Variants in SMOX observed in about 807,000 individuals in gnomAD.
SMOX encodes spermine oxidase.
A neutral mutation model predicts 51.0 loss-of-function variants in SMOX; 22 were observed. That is an observed-to-expected ratio of 0.43 (90% CI 0.31 to 0.62). The LOEUF (loss-of-function observed/expected upper bound fraction) is 0.62, where lower values mean the gene tolerates loss of function less well. Among genes scored for constraint, SMOX ranks in the 20% least tolerant of loss-of-function variants. SMOX has a pLI of 0.10. For synonymous variants in SMOX, 282 were observed against 307.8 expected (o/e 0.92, Z 0.88); for missense variants, 566 against 777.7 (o/e 0.73, Z 3.24).
chr20:4,185,899 A>C (rs1378309658), intron 6 of SMOX, among the ~76,000 whole-genome samples: 1 of 140,244 alleles, frequency 7.1e-6, no homozygotes, highest in Non-Finnish European at 1.5e-5. Context: ...TCTCAAAACA[A>C]AAACCAAAAA....
intron 1 of SMOX, among the ~76,000 whole-genome samples, chr20:4,164,394 A>G (rs1290401853): frequency 6.6e-6 from 1 of 152,066 alleles, no homozygotes; most frequent in East Asian, 1.9e-4. Flanking sequence ...GTTGTCACAC[A>G]CCTCTGTGGG....
chr20:4,182,196 C>T lies in SMOX; in HGVS notation c.717C>T (p.Phe239=), dbSNP rs1193092340. 2 of 1,613,564 alleles carry T rather than the reference C, an allele frequency of 1.2e-6. No individual in the cohort carries two copies. The highest frequency in any genetic ancestry group is 1.3e-5 in the African/African-American group (1 of 74,926). ...PGAHHIIPSG[F]MRVVELLAEG... is the part of the protein sequence containing the mutation. ...CTCACCACATCATCCCCTCGGGCTT[C>T]ATGCGGGTTGTGGAGCTGCTGGCGG... The change falls in exon 5 of 7, where the codon TTC becomes TTT. Residue 239 remains phenylalanine, a synonymous_variant. Coordinates refer to ENST00000305958, the MANE Select transcript of SMOX (RefSeq NM_175839.3). The surrounding 1 kb of genome is among the most constrained non-coding windows in gnomAD (Gnocchi z 8.4).
rs1443730574 is a variant in SMOX, at chr20:4,181,875, G to T, written c.508G>T (p.Val170Leu). 1.2e-6 allele frequency: 2 copies of T among 1,614,146 alleles called. No individual in the cohort carries two copies. The highest frequency in any genetic ancestry group is 1.7e-5 in the Admixed American group (1 of 60,020). Residue 170 changes from valine (V) to leucine (L), a missense_variant, in exon 4 of 7, where the codon GTG becomes TTG. Val to Leu is a conservative substitution (Grantham distance 32). Coordinates refer to ENST00000305958, the MANE Select transcript of SMOX (RefSeq NM_175839.3). The surrounding 1 kb of genome is among the most constrained non-coding windows in gnomAD (Gnocchi z 5.6). ...TGCTGAAAGTCAAAATAGCGTGGGG[G>T]TGTTCACCCGAGAGGAGGTGCGTAA... ...VNAESQNSVGVFTREEVRNRI... is the reference protein window; with the variant it reads ...VNAESQNSVGLFTREEVRNRI...
At chr20:4,161,254 C>T (rs914104439) in intron 1 of SMOX, among the ~76,000 whole-genome samples, 4 of 152,146 alleles carry the variant, frequency 2.6e-5, no homozygotes, top group Admixed American at 6.5e-5. Context: ...CACTGACTCA[C>T]GTCAGGGCCG....
At position 4,183,310 on chromosome 20, in the gene SMOX, T is replaced by C. The variant is rs1979489732; in HGVS notation, c.1370-184T>C. On this transcript the variant is annotated intron_variant, in intron 5 of 6. Transcript: ENST00000305958. This position sits in a 1 kb window ranked among gnomAD's most constrained non-coding sequence, Gnocchi z 4.3. ...TTTTGCCGGGGGTCACAGGAGGCGC[T>C]GAGTGGGTACACAGCTCGAGCCCCA... 1 of 779,004 alleles carries C rather than the reference T, an allele frequency of 1.3e-6. No homozygotes were observed. Among genetic ancestry groups the C allele is most frequent in the African/African-American group, 1.7e-5 (1 of 57,742 alleles). The allele number at this position is 779,004 out of a possible 1,614,324, so 48.3% of individuals were successfully genotyped here.
Position 4,172,859 on chromosome 20 carries a change from G to A in SMOX, c.-26-2171G>A, listed in dbSNP as rs1468950689. On this transcript the variant is annotated intron_variant, in intron 1 of 6. Coordinates refer to ENST00000305958, the MANE Select transcript of SMOX (RefSeq NM_175839.3). This position sits in a 1 kb window ranked among gnomAD's most constrained non-coding sequence, Gnocchi z 7.7. ...CCCGTCCAGGCCCAGGCATCGCGGG[G>A]GCAGGTGCAATGGGCGGGGGAGGCA... Among the ~76,000 whole-genome samples the A allele has an allele frequency of 6.6e-6, 1 of 152,006 alleles. No individual in the cohort carries two copies. The highest frequency in any genetic ancestry group is 6.5e-5 in the Admixed American group (1 of 15,272).
Position 4,175,271 on chromosome 20 carries a change from C to G in SMOX, c.208+8C>G. ...TGCAGAGTGTGAAACTTGGTAAGTG[C>G]CACCCAGTCCAGCCCAGCCACCTCC... is the stretch of plus-strand genomic sequence containing the variant. On this transcript the variant is annotated splice_region_variant and intron_variant, in intron 2 of 6. Coordinates refer to ENST00000305958, the MANE Select transcript of SMOX (RefSeq NM_175839.3). The G allele has an allele frequency of 1.2e-6, 2 of 1,612,796 alleles. No individual in the cohort carries two copies. Among genetic ancestry groups the G allele is most frequent in the Non-Finnish European group, 1.7e-6 (2 of 1,179,080 alleles).
Position 4,177,601 on chromosome 20 carries a change from G to C in SMOX, c.435+24G>C. 6.4e-7 allele frequency: 1 copy of C among 1,559,392 alleles called. No individual in the cohort carries two copies. The highest frequency in any genetic ancestry group is 8.7e-7 in the Non-Finnish European group (1 of 1,150,704). Reference sequence around the variant, plus strand: ...AGGTAAGGTGTGAGCAGAGTAGCTGGGCGTAAGGGCATGGGGAGACCTGGG... The same window carrying C: ...AGGTAAGGTGTGAGCAGAGTAGCTGCGCGTAAGGGCATGGGGAGACCTGGG... On this transcript the variant is annotated intron_variant, in intron 3 of 6. Coordinates refer to ENST00000305958, the MANE Select transcript of SMOX (RefSeq NM_175839.3). The surrounding 1 kb of genome is among the most constrained non-coding windows in gnomAD (Gnocchi z 4.3).
At chr20:4,163,557 C>T (rs1379423943) in intron 1 of SMOX, among the ~76,000 whole-genome samples, 1 of 152,210 alleles carries the variant, frequency 6.6e-6, no homozygotes, top group Non-Finnish European at 1.5e-5. Flanking sequence ...AAATGGCAGT[C>T]AGCATTTATT....
At position 4,177,333 on chromosome 20, in the gene SMOX, T is replaced by C. The variant is rs1978941009; in HGVS notation, c.209-18T>C. The C allele has an allele frequency of 6.5e-7, 1 of 1,550,330 alleles. No individual in the cohort carries two copies. The highest frequency in any genetic ancestry group is 8.7e-7 in the Non-Finnish European group (1 of 1,145,960). On this transcript the variant is annotated intron_variant, in intron 2 of 6. Transcript: ENST00000305958. This position sits in a 1 kb window ranked among gnomAD's most constrained non-coding sequence, Gnocchi z 4.3. ...AGAAGTCCCTAAGCCTCTAAGGGCC[T>C]GCTGTTGTCACCCTCAGGACACGCC... is the stretch of plus-strand genomic sequence containing the variant.
At chr20:4,164,968 C>T (rs2122454198) in intron 1 of SMOX, among the ~76,000 whole-genome samples, 1 of 151,780 alleles carries the variant, frequency 6.6e-6, no homozygotes, top group South Asian at 2.1e-4. Flanking sequence ...GCCTTACACA[C>T]CTGGGCTCAG....
intron 1 of SMOX, among the ~76,000 whole-genome samples, chr20:4,173,506 C>A (rs1978586436): frequency 6.6e-6 from 1 of 152,134 alleles, no homozygotes; most frequent in African/African-American, 2.4e-5. Flanking sequence ...TTTTTATTTT[C>A]AGGCTGTTAC....
rs1986582180 is a variant in SMOX, at chr20:4,166,610, T to A, written c.-26-8420T>A. On this transcript the variant is annotated intron_variant, in intron 1 of 6. Transcript: ENST00000305958. The surrounding 1 kb of genome is among the most constrained non-coding windows in gnomAD (Gnocchi z 4.2). The stretch of plus-strand genomic sequence containing the variant: ...CTGGGTCTGCCCCTACAGGGAGCTA[T>A]AAAATCACCTTATGCCTCCCAGGCA... Among the ~76,000 whole-genome samples, 1 of 152,216 alleles carries A rather than the reference T, an allele frequency of 6.6e-6. No homozygotes were observed. Among genetic ancestry groups the A allele is most frequent in the Non-Finnish European group, 1.5e-5 (1 of 68,034 alleles).
chr20:4,150,447 T>G (rs899379078), intron 1 of SMOX, among the ~76,000 whole-genome samples: 30 of 152,140 alleles, frequency 2.0e-4, no homozygotes, highest in African/African-American at 7.0e-4. Context: ...GCTTCTGGTT[T>G]TCTTCCCTCC....
chr20:4,168,883 C>CTATTTTATTTTATTTTATTT lies in SMOX; in HGVS notation c.-26-6098_-26-6079dup, dbSNP rs11467242. On this transcript the variant is annotated intron_variant, in intron 1 of 6. Coordinates refer to ENST00000305958, the MANE Select transcript of SMOX (RefSeq NM_175839.3). The stretch of plus-strand genomic sequence containing the variant: ...TCTCTCTCTTTTTAAAATTAATGCT[C>CTATTTTATTTTATTTTATTT]TATTTTATTTTATTTTATTTTATTT... Among the ~76,000 whole-genome samples, 31 of 128,612 alleles carry CTATTTTATTTTATTTTATTT rather than the reference C, an allele frequency of 2.4e-4. 1 individual carries two copies. Among genetic ancestry groups the CTATTTTATTTTATTTTATTT allele is most frequent in the African/African-American group, 8.0e-4 (28 of 35,134 alleles). 84.4% of individuals were successfully genotyped at this position (128,612 alleles called of 152,430 possible).
At chr20:4,168,716 T>C (rs1986685659) in intron 1 of SMOX, among the ~76,000 whole-genome samples, 1 of 151,594 alleles carries the variant, frequency 6.6e-6, no homozygotes, top group Non-Finnish European at 1.5e-5. Flanking sequence ...GCCACCACGC[T>C]TGGCTAATTT....
At chr20:4,165,250 T>C (rs1218241136) in intron 1 of SMOX, among the ~76,000 whole-genome samples, 1 of 152,094 alleles carries the variant, frequency 6.6e-6, no homozygotes, top group Non-Finnish European at 1.5e-5. Context: ...GAGACGGGTT[T>C]TCACCATGTT....
intron 1 of SMOX, among the ~76,000 whole-genome samples, chr20:4,159,992 C>T (rs975921832): frequency 7.2e-5 from 11 of 152,300 alleles, no homozygotes; most frequent in African/African-American, 2.2e-4. Flanking sequence ...GATCGAGGAC[C>T]GTCTAGAGGC....
chr20:4,168,968 G>T (rs1986706831), intron 1 of SMOX, among the ~76,000 whole-genome samples: 1 of 138,488 alleles, frequency 7.2e-6, no homozygotes. Flanking sequence ...TTATTTTAGA[G>T]ACAGGGTCTT....
Sources: gnomAD v4.1 joint callset for allele counts (sites outside exome capture counted in the v4.1 genomes callset) on GRCh38, gnomAD v4.1.1 for gene constraint, Gnocchi (gnomAD v3.1) non-coding constraint, MANE v1.5 for transcripts, NCBI Gene and HGNC (gene_info 2026-07-23, HGNC 2026-07-21) for gene names.